Variants in EEF2 observed in about 807,000 individuals in gnomAD.
EEF2 encodes elongation factor 2.
Under a neutral mutation model 85.3 loss-of-function variants are expected in EEF2, and 21 were observed. The ratio of observed to expected loss-of-function variants is 0.25; its 90% CI spans 0.17 to 0.35. The LOEUF (loss-of-function observed/expected upper bound fraction) is 0.35, where lower values mean the gene tolerates loss of function less well. Among genes scored for constraint, EEF2 ranks in the 10% least tolerant of loss-of-function variants. EEF2 has a pLI of 1.00. For missense variants in EEF2, 825 were observed against 1,225.3 expected, an observed-to-expected ratio of 0.67 and a Z score of 4.88; for synonymous variants, 723 against 508.8, an observed-to-expected ratio of 1.42 and a Z score of -5.67.
rs532051930 is a variant in EEF2 at position 3,985,461 on chromosome 19, G to C, written c.-81C>G. ...GAGGATGGCGGCGACGACGGCGGAAGAGAACGCTGACGTCAACACTCAGCT... is the reference window on the plus strand; with the variant it reads ...GAGGATGGCGGCGACGACGGCGGAACAGAACGCTGACGTCAACACTCAGCT... On this transcript the variant is annotated 5_prime_UTR_variant, in exon 1 of 15. Coordinates refer to ENST00000309311, the MANE Select transcript of EEF2 (RefSeq NM_001961.4). 4 of 1,386,922 alleles carry C rather than the reference G, an allele frequency of 2.9e-6. No individual in the cohort carries two copies. The highest frequency in any genetic ancestry group is 3.2e-5 in the Admixed American group (1 of 31,448). 85.9% of individuals were successfully genotyped at this position (1,386,922 alleles called of 1,614,324 possible). A position where few individuals can be genotyped will look rare whatever the true frequency, so the allele number is the denominator to read the frequency against.
In EEF2 at chr19:3,976,298, C is replaced by T. The variant is rs1177326068; in HGVS notation, c.*256G>A. On this transcript the variant is annotated 3_prime_UTR_variant, in exon 15 of 15. Coordinates refer to ENST00000309311, the MANE Select transcript of EEF2 (RefSeq NM_001961.4). ...GGAAAAAGTGTTGGGTGTCCCATCC[C>T]GCCTCCCCCTCCCCGACCGGCCCAT... 12 of 338,690 alleles carry T rather than the reference C, an allele frequency of 3.5e-5. 2 individuals carry two copies. The highest frequency in any genetic ancestry group is 1.8e-4 in the Admixed American group (4 of 21,678). 21.0% of individuals were successfully genotyped at this position (338,690 alleles called of 1,614,324 possible). A position where few individuals can be genotyped will look rare whatever the true frequency, so the allele number is the denominator to read the frequency against.
Position 3,977,755 on chromosome 19 carries a change from G to T in EEF2, c.2067+64C>A, listed in dbSNP as rs185679219. On this transcript the variant is annotated intron_variant, in intron 12 of 14. Coordinates refer to ENST00000309311, the MANE Select transcript of EEF2 (RefSeq NM_001961.4). This position sits in a 1 kb window ranked among gnomAD's most constrained non-coding sequence, Gnocchi z 5.4. ...TTAGGGTCTCTGTCTCGGGAGGCAGGACCATGAGGTCCCTCTAGAGCCTGG... is the reference window on the plus strand; with the variant it reads ...TTAGGGTCTCTGTCTCGGGAGGCAGTACCATGAGGTCCCTCTAGAGCCTGG... 1.4e-5 allele frequency: 21 copies of T among 1,501,648 alleles called. No homozygotes were observed. Among genetic ancestry groups the T allele is most frequent in the Non-Finnish European group, 1.8e-5 (20 of 1,126,372 alleles). The allele number at this position is 1,501,648 out of a possible 1,614,324, so 93.0% of individuals were successfully genotyped here. A position where few individuals can be genotyped will look rare whatever the true frequency, so the allele number is the denominator to read the frequency against.
In EEF2 at chr19:3,977,055, A is replaced by AT. The variant is rs1245066039; in HGVS notation, c.2383+159dup. Among the ~76,000 whole-genome samples the AT allele has an allele frequency of 6.6e-6, 1 of 152,196 alleles. No homozygotes were observed. ...GAGCCCCTCCCCTGGGAATTCAGTGATTTAGGGGGTCCACAAGCTGTCAGA... is the reference window on the plus strand; with the variant it reads ...GAGCCCCTCCCCTGGGAATTCAGTGATTTTAGGGGGTCCACAAGCTGTCAGA... On this transcript the variant is annotated intron_variant, in intron 14 of 14. Transcript: ENST00000309311. The surrounding 1 kb of genome is among the most constrained non-coding windows in gnomAD (Gnocchi z 5.4).
At position 3,977,903 on chromosome 19, in the gene EEF2, G is replaced by A. The variant is rs776708734; in HGVS notation, c.1983C>T (p.Ile661=). 14 of 1,613,616 alleles carry A rather than the reference G, an allele frequency of 8.7e-6. No individual in the cohort carries two copies. Among genetic ancestry groups the A allele is most frequent in the East Asian group, 2.2e-5 (1 of 44,886 alleles). Residue 661 remains isoleucine (I), a synonymous_variant, in exon 12 of 15, where the codon ATC becomes ATT. Coordinates refer to ENST00000309311, the MANE Select transcript of EEF2 (RefSeq NM_001961.4). The surrounding 1 kb of genome is among the most constrained non-coding windows in gnomAD (Gnocchi z 5.4). ...GCACACCCTTGGTGATGTCGGTGAG[G>A]ATGTTGGGGCCGGTGCCGTCGGGCC... ...CFGPDGTGPN[I]LTDITKGVQY...
At position 3,977,649 on chromosome 19, in the gene EEF2, A is replaced by C; in HGVS notation, c.2068-39T>G. On this transcript the variant is annotated intron_variant, in intron 12 of 14. Coordinates refer to ENST00000309311, the MANE Select transcript of EEF2 (RefSeq NM_001961.4). The surrounding 1 kb of genome is among the most constrained non-coding windows in gnomAD (Gnocchi z 5.4). ...AGAGCCACCGTCAAGGGCCGGACACACCTCGGCTGCTTGCCCTCCACCTGC... is the reference window on the plus strand; with the variant it reads ...AGAGCCACCGTCAAGGGCCGGACACCCCTCGGCTGCTTGCCCTCCACCTGC... 6.8e-7 allele frequency: 1 copy of C among 1,479,656 alleles called. No homozygotes were observed. The highest frequency in any genetic ancestry group is 1.4e-5 in the South Asian group (1 of 72,770). The allele number at this position is 1,479,656 out of a possible 1,614,324, so 91.7% of individuals were successfully genotyped here.
chr19:3,985,264 C>A, intron 1 of EEF2, 114 bp downstream of exon 1: 2 of 1,218,340 alleles, frequency 1.6e-6, no homozygotes, highest in Non-Finnish European at 2.1e-6. Context: ...TCCGGCCCCG[C>A]CGCCGCTACG....
At position 3,977,959 on chromosome 19, in the gene EEF2, C is replaced by T. The variant is rs753183188; in HGVS notation, c.1927G>A (p.Val643Met). 8.1e-6 allele frequency: 13 copies of T among 1,613,262 alleles called. No individual in the cohort carries two copies. Among genetic ancestry groups the T allele is most frequent in the African/African-American group, 1.3e-5 (1 of 74,926 alleles). The change falls in exon 12 of 15, where the codon GTG becomes ATG. Residue 643 changes from valine (V) to methionine (M), a missense_variant. Val to Met is a conservative substitution (Grantham distance 21). Coordinates refer to ENST00000309311, the MANE Select transcript of EEF2 (RefSeq NM_001961.4). This position sits in a 1 kb window ranked among gnomAD's most constrained non-coding sequence, Gnocchi z 5.4. ...RYLAEKYEWD[V>M]AEARKIWCFG... The stretch of plus-strand genomic sequence containing the variant: ...CACCAGATCTTGCGGGCCTCAGCCA[C>T]GTCCCACTCGTACTTCTCGGCCAGG...
intron 1 of EEF2, 65 bp from the exon 2 acceptor site, chr19:3,984,415 T>C: frequency 6.4e-7 from 1 of 1,557,744 alleles, no homozygotes; most frequent in Non-Finnish European, 8.8e-7. Context: ...GCACGGAGCG[T>C]TCAGTCCAAA....
Position 3,976,268 on chromosome 19 carries a change from G to C in EEF2, c.*286C>G. On this transcript the variant is annotated 3_prime_UTR_variant, in exon 15 of 15. Transcript: ENST00000309311. ...TTGGACATCTGAGTTTCCCTCTGAAGAAATGGAAAAAGTGTTGGGTGTCCC... is the reference window on the plus strand; with the variant it reads ...TTGGACATCTGAGTTTCCCTCTGAACAAATGGAAAAAGTGTTGGGTGTCCC... The C allele has an allele frequency of 2.3e-6, 1 of 430,226 alleles. No homozygotes were observed. The highest frequency in any genetic ancestry group is 4.2e-6 in the Non-Finnish European group (1 of 239,056). 26.7% of individuals were successfully genotyped at this position (430,226 alleles called of 1,614,324 possible).
At chr19:3,982,505 G>A (rs978187012) in intron 4 of EEF2, 81 bp from the exon 5 acceptor site, 2 of 1,542,244 alleles carry the variant, frequency 1.3e-6, no homozygotes, top group South Asian at 1.1e-5. Flanking sequence ...CTTGGGCATG[G>A]GCCTCAGACG....
rs2039745623 is a variant in EEF2 at position 3,981,437 on chromosome 19, T to C, written c.913A>G (p.Met305Val). ...DPIFKVFDAIMNFKKEETAKL... is the reference protein window; with the variant it reads ...DPIFKVFDAIVNFKKEETAKL... ...GCTGTCTCCTCTTTCTTGAAATTCA[T>C]GATCGCATCAAACACCTACATTCCC... The change falls in exon 7 of 15, where the codon ATG becomes GTG. Residue 305 changes from methionine to valine, a missense_variant. By Grantham distance (21) the Met-to-Val change is conservative. Coordinates refer to ENST00000309311, the MANE Select transcript of EEF2 (RefSeq NM_001961.4). The C allele has an allele frequency of 3.1e-6, 5 of 1,614,010 alleles. No individual in the cohort carries two copies. The highest frequency in any genetic ancestry group is 2.2e-5 in the East Asian group (1 of 44,900).
chr19:3,977,825 G>A lies in EEF2; in HGVS notation c.2061C>T (p.Thr687=), dbSNP rs975604065. 7.6e-6 allele frequency: 12 copies of A among 1,581,948 alleles called. No individual in the cohort carries two copies. Among genetic ancestry groups the A allele is most frequent in the Non-Finnish European group, 9.5e-6 (11 of 1,158,636 alleles). The part of the protein sequence containing the change: ...DSVVAGFQWA[T]KEGALCEENM... ...ATGCTGAGCCGTGCCTCACCTCCTT[G>A]GTGGCCCACTGGAAGCCGGCCACCA... Residue 687 remains threonine, a synonymous_variant, in exon 12 of 15, where the codon ACC becomes ACT. Transcript: ENST00000309311. The surrounding 1 kb of genome is among the most constrained non-coding windows in gnomAD (Gnocchi z 5.4).
chr19:3,977,134 A>C lies in EEF2; in HGVS notation c.2383+81T>G. 1 of 1,561,288 alleles carries C rather than the reference A, an allele frequency of 6.4e-7. No individual in the cohort carries two copies. Among genetic ancestry groups the C allele is most frequent in the Non-Finnish European group, 8.7e-7 (1 of 1,153,340 alleles). ...TGCTCCCATCAGGACGCCTCCTTTA[A>C]CACCTTGCTAAGCTTAACTGGGCTT... On this transcript the variant is annotated intron_variant, in intron 14 of 14. Transcript: ENST00000309311. This position sits in a 1 kb window ranked among gnomAD's most constrained non-coding sequence, Gnocchi z 5.4.
rs200631073 is a variant in EEF2 at position 3,977,413 on chromosome 19, G to A, written c.2250+15C>T. The A allele has an allele frequency of 2.5e-6, 4 of 1,586,410 alleles. No individual in the cohort carries two copies. Among genetic ancestry groups the A allele is most frequent in the East Asian group, 4.5e-5 (2 of 44,126 alleles). ...AGGACGGTGGCAGGGTCAGCGGTGG[G>A]CGGGTAGACCTCACCTGGATCTCCA... On this transcript the variant is annotated intron_variant, in intron 13 of 14. Coordinates refer to ENST00000309311, the MANE Select transcript of EEF2 (RefSeq NM_001961.4). The surrounding 1 kb of genome is among the most constrained non-coding windows in gnomAD (Gnocchi z 5.4).
rs142852560 is a variant in EEF2, at chr19:3,984,168, G to C, written c.186C>G (p.Asp62Glu). 1.2e-6 allele frequency: 2 copies of C among 1,614,012 alleles called. No individual in the cohort carries two copies. Among genetic ancestry groups the C allele is most frequent in the East Asian group, 2.2e-5 (1 of 44,880 alleles). ...GETRFTDTRKDEQERCITIKS... is the reference protein window; with the variant it reads ...GETRFTDTRKEEQERCITIKS... ...TGATGGTGATGCAACGCTCCTGCTC[G>C]TCCTTCCGGGTATCAGTGAAGCGTG... Residue 62 changes from aspartate (D) to glutamate (E), a missense_variant, in exon 2 of 15, where the codon GAC becomes GAG. Asp to Glu is a conservative substitution (Grantham distance 45). Coordinates refer to ENST00000309311, the MANE Select transcript of EEF2 (RefSeq NM_001961.4).
chr19:3,977,612 T>TGGGGGA lies in EEF2; in HGVS notation c.2068-8_2068-3dup. On this transcript the variant is annotated splice_region_variant and splice_polypyrimidine_tract_variant and intron_variant, in intron 12 of 14. Coordinates refer to ENST00000309311, the MANE Select transcript of EEF2 (RefSeq NM_001961.4). The surrounding 1 kb of genome is among the most constrained non-coding windows in gnomAD (Gnocchi z 5.4). ...CATGTTCTCCTCACACAGTGCGCCC[T>TGGGGGA]GGGGGAGGGGGAGAGCCACCGTCAA... 6.6e-7 allele frequency: 1 copy of TGGGGGA among 1,509,676 alleles called. No homozygotes were observed. The highest frequency in any genetic ancestry group is 8.8e-7 in the Non-Finnish European group (1 of 1,133,114). The allele number at this position is 1,509,676 out of a possible 1,614,324, so 93.5% of individuals were successfully genotyped here. A position where few individuals can be genotyped will look rare whatever the true frequency, so the allele number is the denominator to read the frequency against.
At chr19:3,976,977 G>C (rs963937371) in intron 14 of EEF2, among the ~76,000 whole-genome samples, 1 of 152,218 alleles carries the variant, frequency 6.6e-6, no homozygotes, top group African/African-American at 2.4e-5. Context: ...CCGGCCCAGG[G>C]CGTAGGCCTT....
chr19:3,979,232 AGTCTAGGC>A, intron 11 of EEF2, 89 bp downstream of exon 11: 1 of 916,706 alleles, frequency 1.1e-6, no homozygotes. Context: ...ACCGAGATCA[AGTCTAGGC>A]GTCTGCAGAG....
chr19:3,985,357 C>A, intron 1 of EEF2, 21 bp downstream of exon 1: 2 of 1,477,646 alleles, frequency 1.4e-6, no homozygotes, highest in Non-Finnish European at 9.0e-7. Context: ...TCCGGGGCAC[C>A]AGCGAGGCAG....
Sources: allele counts gnomAD v4.1 joint callset (sites outside exome capture counted in the v4.1 genomes callset), GRCh38; gene constraint gnomAD v4.1.1; non-coding constraint Gnocchi (gnomAD v3.1); transcripts MANE v1.5; gene names NCBI Gene and HGNC (gene_info 2026-07-23, HGNC 2026-07-21).